Variants in ABTB3 observed in about 807,000 individuals in gnomAD.
ABTB3 encodes ankyrin repeat and BTB domain containing 3.
chr12:107,524,409 TG>T, the ABTB3 span, among the ~76,000 whole-genome samples: 1 of 152,222 alleles, frequency 6.6e-6, no homozygotes, highest in Non-Finnish European at 1.5e-5. Flanking sequence ...GCTCAGCCAA[TG>T]TGGAAACCAC....
At chr12:107,543,970 C>A in the ABTB3 span, 1 of 1,613,922 alleles carries the variant, frequency 6.2e-7, no homozygotes. Context: ...TCACCTGCAG[C>A]CCCTCAATGC....
the ABTB3 span, among the ~76,000 whole-genome samples, chr12:107,643,251 A>C: frequency 6.6e-6 from 1 of 151,930 alleles, no homozygotes; most frequent in African/African-American, 2.4e-5. Context: ...TAAAAATACA[A>C]AAATTAGCCG....
chr12:107,352,048 T>C, the ABTB3 span, among the ~76,000 whole-genome samples: 2 of 152,190 alleles, frequency 1.3e-5, no homozygotes, highest in Non-Finnish European at 2.9e-5. Flanking sequence ...TTGTGTCAAG[T>C]ATGTGCCCCA....
At chr12:107,544,311 G>A in the ABTB3 span, among the ~76,000 whole-genome samples, 1 of 152,176 alleles carries the variant, frequency 6.6e-6, no homozygotes, top group African/African-American at 2.4e-5. Flanking sequence ...CCCGTGTGGG[G>A]GTCCTTGAAA....
the ABTB3 span, among the ~76,000 whole-genome samples, chr12:107,626,512 A>AT: frequency 6.0e-5 from 9 of 150,994 alleles, no homozygotes; most frequent in East Asian, 2.0e-4. Flanking sequence ...TGCCCGGCTA[A>AT]TTTTTTTTTG....
At chr12:107,610,165 G>A in the ABTB3 span, 27 of 1,613,854 alleles carry the variant, frequency 1.7e-5, no homozygotes, top group African/African-American at 4.0e-5. Flanking sequence ...CGCTGTACCC[G>A]CATGATGTCT....
the ABTB3 span, among the ~76,000 whole-genome samples, chr12:107,506,723 G>A: frequency 6.6e-6 from 1 of 152,188 alleles, no homozygotes; most frequent in Non-Finnish European, 1.5e-5. Context: ...CTCCCAGCTA[G>A]ACTTTAAGCT....
the ABTB3 span, among the ~76,000 whole-genome samples, chr12:107,503,756 CAA>C: frequency 1.3e-4 from 9 of 70,746 alleles, no homozygotes; most frequent in East Asian, 3.4e-4. Context: ...GACCCTATCT[CAA>C]AAAAAAAAAA....
chr12:107,571,199 C>G, the ABTB3 span, among the ~76,000 whole-genome samples: 1 of 152,326 alleles, frequency 6.6e-6, no homozygotes, highest in African/African-American at 2.4e-5. Flanking sequence ...CTGACATTCT[C>G]TCCCTTAATC....
At chr12:107,545,959 C>T in the ABTB3 span, among the ~76,000 whole-genome samples, 25 of 152,344 alleles carry the variant, frequency 1.6e-4, no homozygotes, top group East Asian at 9.7e-4. Context: ...CAGCTAGACA[C>T]GGCCTCCTCT....
the ABTB3 span, among the ~76,000 whole-genome samples, chr12:107,479,070 T>G: frequency 6.6e-6 from 1 of 152,174 alleles, no homozygotes; most frequent in Non-Finnish European, 1.5e-5. Context: ...TTTTGAAAAT[T>G]GTGCTGCATA....
chr12:107,342,223 A>G, the ABTB3 span, among the ~76,000 whole-genome samples: 1 of 151,710 alleles, frequency 6.6e-6, no homozygotes, highest in Non-Finnish European at 1.5e-5. Flanking sequence ...TTCTTTGCAG[A>G]TGGATGCCAG....
the ABTB3 span, among the ~76,000 whole-genome samples, chr12:107,410,499 A>C: frequency 6.6e-6 from 1 of 152,194 alleles, no homozygotes; most frequent in African/African-American, 2.4e-5. Flanking sequence ...AGACCTCCTT[A>C]GGCTGCGGGA....
At chr12:107,606,827 C>T in the ABTB3 span, among the ~76,000 whole-genome samples, 1 of 152,154 alleles carries the variant, frequency 6.6e-6, no homozygotes, top group South Asian at 2.1e-4. Context: ...CACACACAAC[C>T]CCAATCAAGG....
At chr12:107,544,713 T>A in the ABTB3 span, among the ~76,000 whole-genome samples, 1 of 152,126 alleles carries the variant, frequency 6.6e-6, no homozygotes. Flanking sequence ...ATAGATCCTC[T>A]CCCCACAGTG....
At chr12:107,562,937 C>A in the ABTB3 span, among the ~76,000 whole-genome samples, 3 of 152,196 alleles carry the variant, frequency 2.0e-5, no homozygotes, top group African/African-American at 7.2e-5. Flanking sequence ...GCTGGCAGAT[C>A]TGGACCAGGG....
chr12:107,633,199 G>A, the ABTB3 span, among the ~76,000 whole-genome samples: 1 of 152,102 alleles, frequency 6.6e-6, no homozygotes. Context: ...AGGTGAGTAG[G>A]TCTACAAAAG....
At chr12:107,383,306 A>G in the ABTB3 span, among the ~76,000 whole-genome samples, 1 of 152,160 alleles carries the variant, frequency 6.6e-6, no homozygotes, top group Non-Finnish European at 1.5e-5. Flanking sequence ...CCCTGAGTTT[A>G]GCATTTGCCT....
At chr12:107,593,756 C>T in the ABTB3 span, among the ~76,000 whole-genome samples, 1 of 152,186 alleles carries the variant, frequency 6.6e-6, no homozygotes, top group Admixed American at 6.5e-5. Context: ...AGGTTGGGGA[C>T]CCAGCCACCT....
Sources: allele counts gnomAD v4.1 joint callset (sites outside exome capture counted in the v4.1 genomes callset), GRCh38; gene constraint gnomAD v4.1.1; transcripts MANE v1.5; gene names NCBI Gene and HGNC (gene_info 2026-07-23, HGNC 2026-07-21).